The following RBFOX1 variants were observed in gnomAD, a reference collection of about 807,000 sequenced individuals.
RBFOX1 encodes the protein RNA binding fox-1 homolog 1, also known as RNA binding protein fox-1 homolog 1.
In RBFOX1, 8 loss-of-function variants were observed where a neutral mutation model predicts 57.7. That is an observed-to-expected ratio of 0.14 (90% CI 0.08 to 0.25). The LOEUF is 0.25. Ranked by LOEUF, RBFOX1 falls within the 10% of genes least tolerant of loss-of-function variation. RBFOX1 has a pLI of 1.00. For synonymous variants in RBFOX1, 326 were observed against 222.4 expected (o/e 1.47, Z -4.15); for missense variants, 611 against 548.5 (o/e 1.11, Z -1.14).
chr16:5,594,206 G>A (rs2047106574), intron 2 of RBFOX1, among the ~76,000 whole-genome samples: 2 of 152,132 alleles, frequency 1.3e-5, no homozygotes, highest in Admixed American at 1.3e-4. Context: ...CTGTAGGATG[G>A]AGTGTTTATT....
chr16:6,429,430 A>G (rs1416057685), intron 2 of RBFOX1, among the ~76,000 whole-genome samples: 1 of 152,218 alleles, frequency 6.6e-6, no homozygotes. Flanking sequence ...TCACTTTTCT[A>G]TAGATCCTAA....
intron 3 of RBFOX1, among the ~76,000 whole-genome samples, chr16:7,014,742 C>T (rs754729352): frequency 6.6e-6 from 1 of 150,428 alleles, no homozygotes; most frequent in African/African-American, 2.4e-5. Context: ...GTTGTTTTTT[C>T]GAGATGGAGT....
At chr16:7,336,315 C>G (rs1308099900) in intron 4 of RBFOX1, among the ~76,000 whole-genome samples, 1 of 152,198 alleles carries the variant, frequency 6.6e-6, no homozygotes, top group Admixed American at 6.5e-5. Flanking sequence ...AGTGTGGACC[C>G]TCACCCCTCA....
intron 3 of RBFOX1, among the ~76,000 whole-genome samples, chr16:6,895,220 C>G (rs1457255804): frequency 6.6e-6 from 1 of 151,762 alleles, no homozygotes; most frequent in South Asian, 2.1e-4. Flanking sequence ...CAAGTCCAAA[C>G]CTCAGAGACC....
chr16:6,354,206 C>A (rs1042141490), intron 2 of RBFOX1, among the ~76,000 whole-genome samples: 20 of 151,814 alleles, frequency 1.3e-4, no homozygotes, highest in African/African-American at 4.8e-4. Context: ...GGTGACAGAG[C>A]GAGACACTGG....
At chr16:5,375,831 TA>T (rs1475025126) in intron 1 of RBFOX1, among the ~76,000 whole-genome samples, 10 of 152,186 alleles carry the variant, frequency 6.6e-5, no homozygotes, top group Non-Finnish European at 1.5e-4. Context: ...TAAAGGCTCA[TA>T]AGTGCCCTTT....
At chr16:7,355,140 C>T (rs1391692054) in intron 4 of RBFOX1, among the ~76,000 whole-genome samples, 1 of 152,140 alleles carries the variant, frequency 6.6e-6, no homozygotes, top group Non-Finnish European at 1.5e-5. Flanking sequence ...AACTGAGCAT[C>T]AGAGATGTCA....
intron 1 of RBFOX1, among the ~76,000 whole-genome samples, chr16:6,166,332 C>T (rs149477437): frequency 8.1e-4 from 121 of 149,838 alleles, no homozygotes; most frequent in Non-Finnish European, 1.2e-3. Flanking sequence ...CATCATTCAG[C>T]GAATAGGCTG....
At chr16:6,333,686 A>G (rs1249346929) in intron 2 of RBFOX1, among the ~76,000 whole-genome samples, 3 of 152,212 alleles carry the variant, frequency 2.0e-5, no homozygotes, top group Admixed American at 2.0e-4. Context: ...TAAGTTTAGA[A>G]TAGGTGGCAT....
rs374980802 is a variant in RBFOX1 at position 6,124,787 on chromosome 16, CA to C, written c.-127+104799del. On this transcript the variant is annotated intron_variant, in intron 1 of 15. Transcript: ENST00000550418. ...AAGTGATCTGCCCGCCTTGGCCTTC[CA>C]AAATGGTAGGATTACAGGCATGAGT... 1.4e-4 allele frequency among the ~76,000 whole-genome samples: 21 copies of C among 152,230 alleles called. No individual in the cohort carries two copies. The East Asian group carries it at 2.9e-3, about 21-fold the overall frequency.
At chr16:7,452,077 G>T (rs935412415) in intron 4 of RBFOX1, among the ~76,000 whole-genome samples, 1 of 152,156 alleles carries the variant, frequency 6.6e-6, no homozygotes, top group Admixed American at 6.5e-5. Context: ...TGGATACTAA[G>T]GAATGAGAAG....
rs1341737065 is a variant in RBFOX1, at chr16:6,561,712, C to T, written c.-63-92891C>T. On this transcript the variant is annotated intron_variant, in intron 2 of 15. Transcript: ENST00000550418. ...CTAGTTGCTGGAAGATTGCTAATGA[C>T]ACCAGGATGAATTTTTAAATACTGT... Among the ~76,000 whole-genome samples the T allele has an allele frequency of 1.8e-4, 28 of 152,036 alleles. 1 individual carries two copies. Among genetic ancestry groups the T allele is most frequent in the Admixed American group, 1.8e-3 (28 of 15,250 alleles).
intron 4 of RBFOX1, among the ~76,000 whole-genome samples, chr16:7,113,891 G>C (rs999550648): frequency 7.9e-5 from 12 of 152,100 alleles, no homozygotes; most frequent in African/African-American, 2.7e-4. Flanking sequence ...ATGCATCTCA[G>C]TGTGTGCATG....
intron 4 of RBFOX1, among the ~76,000 whole-genome samples, chr16:7,281,110 C>A (rs532208571): frequency 1.3e-5 from 2 of 151,726 alleles, no homozygotes; most frequent in Non-Finnish European, 2.9e-5. Context: ...TCAAGCAACT[C>A]TCCTGCCTCA....
At chr16:6,880,433 A>G (rs887291263) in intron 3 of RBFOX1, among the ~76,000 whole-genome samples, 5 of 152,214 alleles carry the variant, frequency 3.3e-5, no homozygotes, top group African/African-American at 1.2e-4. Flanking sequence ...GGTGCAGCCA[A>G]TCAGGGTTTG....
At chr16:5,749,737 C>G (rs1327803534) in intron 3 of RBFOX1, among the ~76,000 whole-genome samples, 1 of 152,194 alleles carries the variant, frequency 6.6e-6, no homozygotes, top group African/African-American at 2.4e-5. Context: ...AAGGACTTCT[C>G]TACACTGGTT....
intron 3 of RBFOX1, among the ~76,000 whole-genome samples, chr16:6,990,996 A>G (rs1233326232): frequency 6.6e-6 from 1 of 152,038 alleles, no homozygotes; most frequent in Non-Finnish European, 1.5e-5. Flanking sequence ...ATTCTAATTT[A>G]CTACATCACA....
At chr16:6,664,519 A>T (rs1035593670) in intron 3 of RBFOX1, among the ~76,000 whole-genome samples, 1 of 152,200 alleles carries the variant, frequency 6.6e-6, no homozygotes, top group South Asian at 2.1e-4. Context: ...TGTGATACAT[A>T]TACCACAAGT....
intron 3 of RBFOX1, among the ~76,000 whole-genome samples, chr16:5,694,663 G>C (rs1453381286): frequency 6.6e-6 from 1 of 151,938 alleles, no homozygotes; most frequent in Non-Finnish European, 1.5e-5. Flanking sequence ...TCAGTCAATT[G>C]TTTCAAATGA....
Sources: gnomAD v4.1 joint callset for allele counts (sites outside exome capture counted in the v4.1 genomes callset) on GRCh38, gnomAD v4.1.1 for gene constraint, MANE v1.5 for transcripts, NCBI Gene and HGNC (gene_info 2026-07-23, HGNC 2026-07-21) for gene names.